Variants in FIP1L1 observed in about 807,000 individuals in gnomAD.
The protein encoded by FIP1L1 is pre-mRNA 3'-end-processing factor FIP1.
A neutral mutation model predicts 84.6 loss-of-function variants in FIP1L1; 21 were observed. The observed-to-expected ratio is 0.25, with a 90% confidence interval of 0.18 to 0.36. The LOEUF is 0.36. Ranked by LOEUF, FIP1L1 falls within the 10% of genes least tolerant of loss-of-function variation. The pLI, the probability that FIP1L1 is intolerant of heterozygous loss-of-function variation, is 1.00. For synonymous variants in FIP1L1, 263 were observed against 242.3 expected, an observed-to-expected ratio of 1.09 and a Z score of -0.80; for missense variants, 526 against 751.1, an observed-to-expected ratio of 0.70 and a Z score of 3.50.
chr4:53,415,068 A>G (rs1758886399), intron 11 of FIP1L1, among the ~76,000 whole-genome samples: 1 of 152,146 alleles, frequency 6.6e-6, no homozygotes, highest in Admixed American at 6.5e-5. Flanking sequence ...CTTATCGAAT[A>G]AAACCTAACA....
intron 11 of FIP1L1, among the ~76,000 whole-genome samples, chr4:53,422,870 A>G (rs2149917657): frequency 6.6e-6 from 1 of 152,198 alleles, no homozygotes; most frequent in South Asian, 2.1e-4. Context: ...ATGTGCTACT[A>G]TGCCTAGCTG....
At chr4:53,391,280 C>G (rs1322195199) in intron 8 of FIP1L1, 141 bp downstream of exon 8, 1 of 1,179,920 alleles carries the variant, frequency 8.5e-7, no homozygotes, top group African/African-American at 1.5e-5. Context: ...GTTTGTTTTT[C>G]CCTTCCCTCC....
chr4:53,440,729 G>T, intron 13 of FIP1L1: 1 of 736,730 alleles, frequency 1.4e-6, no homozygotes, highest in Non-Finnish European at 2.4e-6. Context: ...GGATTTCAAG[G>T]TCCTATTTTC....
intron 10 of FIP1L1, among the ~76,000 whole-genome samples, chr4:53,401,510 A>C (rs1750250790): frequency 6.6e-6 from 1 of 152,212 alleles, no homozygotes; most frequent in Admixed American, 6.5e-5. Flanking sequence ...TCTAGGCAAG[A>C]GATAATGGTA....
At position 53,453,200 on chromosome 4, in the gene FIP1L1, G is replaced by A. The variant is rs189681088; in HGVS notation, c.1499+67G>A. Reference sequence around the variant, plus strand: ...GCACTTACAAATTTATTTTCGTTATGAGGAAGTGAATTTCAGTTCACTTGG... The same window carrying A: ...GCACTTACAAATTTATTTTCGTTATAAGGAAGTGAATTTCAGTTCACTTGG... On this transcript the variant is annotated intron_variant, in intron 16 of 17. Coordinates refer to ENST00000337488, the MANE Select transcript of FIP1L1 (RefSeq NM_030917.4). The A allele has an allele frequency of 6.9e-5, 108 of 1,575,700 alleles. No individual in the cohort carries two copies. In the African/African-American group the frequency reaches 1.4e-3, roughly 20 times the overall value.
chr4:53,424,588 G>A (rs1176357753), intron 11 of FIP1L1, among the ~76,000 whole-genome samples: 1 of 152,108 alleles, frequency 6.6e-6, no homozygotes, highest in Admixed American at 6.6e-5. Flanking sequence ...GGGATGGTAA[G>A]TGGGAACTGA....
Position 53,459,796 on chromosome 4 carries a change from C to CAA in FIP1L1, c.*349_*350dup, listed in dbSNP as rs1288173592. ...CTTGGGCCACAGTTTTTTTGTTAAT[C>CAA]AAACACCACTCTCTTAAGAGGCTGC... On this transcript the variant is annotated 3_prime_UTR_variant, in exon 18 of 18. Coordinates refer to ENST00000337488, the MANE Select transcript of FIP1L1 (RefSeq NM_030917.4). The CAA allele has an allele frequency of 3.2e-6, 1 of 316,964 alleles. No individual in the cohort carries two copies. The highest frequency in any genetic ancestry group is 5.2e-5 in the East Asian group (1 of 19,074). The allele number at this position is 316,964 out of a possible 1,614,324, so 19.6% of individuals were successfully genotyped here.
intron 13 of FIP1L1, among the ~76,000 whole-genome samples, chr4:53,436,096 A>AT (rs1243982920): frequency 6.6e-6 from 1 of 151,994 alleles, no homozygotes; most frequent in East Asian, 1.9e-4. Flanking sequence ...ATATTCTGCC[A>AT]TTTTTTTTCT....
At chr4:53,437,429 G>C (rs1049641830) in intron 13 of FIP1L1, among the ~76,000 whole-genome samples, 25 of 150,778 alleles carry the variant, frequency 1.7e-4, no homozygotes, top group African/African-American at 6.1e-4. Flanking sequence ...GTCATAGGTA[G>C]ATGCTTTTGT....
intron 12 of FIP1L1, 84 bp downstream of exon 12, chr4:53,426,049 A>G: frequency 1.1e-6 from 1 of 885,974 alleles, no homozygotes; most frequent in Non-Finnish European, 1.7e-6. Flanking sequence ...AGATAGTCAT[A>G]GTGCTATGCT....
At chr4:53,440,682 C>T (rs367683051) in intron 13 of FIP1L1, 34 of 1,026,220 alleles carry the variant, frequency 3.3e-5, no homozygotes, top group Middle Eastern at 2.0e-4. Flanking sequence ...ACAGGAGAGA[C>T]GGTGTTGATG....
At chr4:53,422,741 C>T (rs1762882656) in intron 11 of FIP1L1, among the ~76,000 whole-genome samples, 1 of 151,046 alleles carries the variant, frequency 6.6e-6, no homozygotes, top group South Asian at 2.1e-4. Context: ...TTGAGACAGG[C>T]TCTTGTTTTG....
intron 12 of FIP1L1, among the ~76,000 whole-genome samples, chr4:53,427,159 C>T (rs1427261307): frequency 6.6e-6 from 1 of 152,050 alleles, no homozygotes; most frequent in African/African-American, 2.4e-5. Context: ...ATAAGCCCTA[C>T]AAAAAACACT....
In FIP1L1 at chr4:53,383,699, T is replaced by G. The variant is rs547408854; in HGVS notation, c.229-74T>G. ...AGAAAAAAAAAAACAGGGTGGTTAC[T>G]TTTTTTAGTTATTAGTATTAGATGT... On this transcript the variant is annotated intron_variant, in intron 4 of 17. Coordinates refer to ENST00000337488, the MANE Select transcript of FIP1L1 (RefSeq NM_030917.4). 13 of 1,394,638 alleles carry G rather than the reference T, an allele frequency of 9.3e-6. No individual in the cohort carries two copies. The African/African-American group carries it at 1.5e-4, about 16-fold the overall frequency. 86.4% of individuals were successfully genotyped at this position (1,394,638 alleles called of 1,614,324 possible). A position where few individuals can be genotyped will look rare whatever the true frequency, so the allele number is the denominator to read the frequency against.
At chr4:53,429,675 T>A (rs768882684) in intron 13 of FIP1L1, among the ~76,000 whole-genome samples, 3 of 152,232 alleles carry the variant, frequency 2.0e-5, no homozygotes, top group Non-Finnish European at 4.4e-5. Context: ...TAAAACTTTT[T>A]AAAAATTTTA....
chr4:53,395,746 G>A (rs55862905), intron 9 of FIP1L1, among the ~76,000 whole-genome samples: 19,892 of 151,674 alleles, frequency 0.13, 2,583 homozygotes, highest in African/African-American at 0.32. Flanking sequence ...GTGTGTGTGC[G>A]TGTGTGTGTG....
intron 11 of FIP1L1, among the ~76,000 whole-genome samples, chr4:53,415,638 T>A (rs1759182224): frequency 6.6e-6 from 1 of 152,046 alleles, no homozygotes; most frequent in South Asian, 2.1e-4. Flanking sequence ...AAAATACAAA[T>A]GTAAATTATG....
chr4:53,447,144 A>G (rs1774549263), intron 15 of FIP1L1, among the ~76,000 whole-genome samples: 1 of 151,988 alleles, frequency 6.6e-6, no homozygotes, highest in Admixed American at 6.6e-5. Flanking sequence ...TAGTTCTTTC[A>G]GTGGTCTCTA....
At chr4:53,407,706 A>T (rs999825066) in intron 10 of FIP1L1, among the ~76,000 whole-genome samples, 1 of 152,132 alleles carries the variant, frequency 6.6e-6, no homozygotes, top group Non-Finnish European at 1.5e-5. Flanking sequence ...TATTTAGGAT[A>T]GTTAGCTCTT....
Sources: gnomAD v4.1 joint callset for allele counts (sites outside exome capture counted in the v4.1 genomes callset) on GRCh38, gnomAD v4.1.1 for gene constraint, MANE v1.5 for transcripts, NCBI Gene and HGNC (gene_info 2026-07-23, HGNC 2026-07-21) for gene names.